ATP6V0A1: variants seen among roughly 807,000 people sequenced by gnomAD.
ATP6V0A1 encodes ATPase H+ transporting V0 subunit a1, also known as V-type proton ATPase 116 kDa subunit a 1.
ATP6V0A1 carries 43 observed loss-of-function variants against 105.4 expected under a neutral mutation model. The observed-to-expected ratio is 0.41, with a 90% confidence interval of 0.32 to 0.53. The LOEUF (loss-of-function observed/expected upper bound fraction) is 0.53, where lower values mean the gene tolerates loss of function less well. Among genes scored for constraint, ATP6V0A1 ranks in the 20% least tolerant of loss-of-function variants. ATP6V0A1 has a pLI of 0.30. For missense variants in ATP6V0A1, 676 were observed against 1,051.1 expected (o/e 0.64, Z 4.93); for synonymous variants, 362 against 372.8 (o/e 0.97, Z 0.33).
At chr17:42,483,603 A>G (rs1245926184) in intron 9 of ATP6V0A1, among the ~76,000 whole-genome samples, 1 of 151,574 alleles carries the variant, frequency 6.6e-6, no homozygotes, top group African/African-American at 2.4e-5. Flanking sequence ...TTTTTTTGAG[A>G]TGGAGTCTTG....
intron 7 of ATP6V0A1, chr17:42,478,985 A>C (rs2089156707): frequency 6.6e-6 from 1 of 152,166 alleles, no homozygotes; most frequent in Non-Finnish European, 1.5e-5. Context: ...GGCTCACCAC[A>C]ACCTCCGCTT....
chr17:42,500,402 C>A (rs1409323074), intron 15 of ATP6V0A1, among the ~76,000 whole-genome samples: 2 of 152,170 alleles, frequency 1.3e-5, no homozygotes, highest in Non-Finnish European at 2.9e-5. Context: ...ATTGCCTAAG[C>A]CCAGGGAGGT....
intron 17 of ATP6V0A1, among the ~76,000 whole-genome samples, chr17:42,501,604 G>A (rs923871279): frequency 4.0e-5 from 6 of 151,796 alleles, no homozygotes; most frequent in Admixed American, 6.6e-5. Flanking sequence ...TAGTAGAGAC[G>A]GGGTTTCACC....
Position 42,475,397 on chromosome 17 carries a change from T to C in ATP6V0A1, c.424-2263T>C, listed in dbSNP as rs539905707. Among the ~76,000 whole-genome samples, 382 of 152,340 alleles carry C rather than the reference T, an allele frequency of 2.5e-3. 3 individuals are homozygous for C. The highest frequency in any genetic ancestry group is 6.8e-3 in the Middle Eastern group (2 of 294). Reference sequence around the variant, plus strand: ...TGTAGAGGCATATTCACAATGTTGTTATTAGAGAACCCAGATACCCTTAAG... The same window carrying C: ...TGTAGAGGCATATTCACAATGTTGTCATTAGAGAACCCAGATACCCTTAAG... On this transcript the variant is annotated intron_variant, in intron 5 of 21. Transcript: ENST00000343619.
intron 2 of ATP6V0A1, among the ~76,000 whole-genome samples, chr17:42,464,885 T>C (rs1280401596): frequency 6.6e-6 from 1 of 152,252 alleles, no homozygotes; most frequent in African/African-American, 2.4e-5. Flanking sequence ...TGAGTAAATA[T>C]AGTTCTTTAT....
chr17:42,519,159 C>T (rs1345582212), intron 21 of ATP6V0A1: 2 of 152,234 alleles, frequency 1.3e-5, no homozygotes, highest in Non-Finnish European at 2.9e-5. Flanking sequence ...ATTGATGTGC[C>T]CCTCCCAGGC....
At chr17:42,461,114 A>T (rs1018989830) in intron 2 of ATP6V0A1, 103 bp downstream of exon 2, 59 of 946,518 alleles carry the variant, frequency 6.2e-5, no homozygotes, top group Non-Finnish European at 9.1e-5. Flanking sequence ...CAAAAATAAC[A>T]TTATAGCACT....
intron 9 of ATP6V0A1, among the ~76,000 whole-genome samples, chr17:42,484,902 T>C (rs2089951079): frequency 6.7e-6 from 1 of 149,450 alleles, no homozygotes; most frequent in African/African-American, 2.5e-5. Flanking sequence ...CAGGCTAGAG[T>C]GCAGTGGCGC....
chr17:42,494,271 ATATT>A, intron 11 of ATP6V0A1, 59 bp from the exon 12 acceptor site: 1 of 1,483,562 alleles, frequency 6.7e-7, no homozygotes, highest in East Asian at 2.3e-5. Context: ...AAAGAATGTA[ATATT>A]TGTGGAATTG....
intron 5 of ATP6V0A1, among the ~76,000 whole-genome samples, chr17:42,472,444 G>T (rs2088102262): frequency 2.0e-5 from 3 of 151,710 alleles, no homozygotes; most frequent in Admixed American, 2.0e-4. Context: ...TTGTTTTTAG[G>T]CCGGGCGCGG....
chr17:42,488,941 G>T (rs1339913921), intron 10 of ATP6V0A1, among the ~76,000 whole-genome samples: 1 of 148,432 alleles, frequency 6.7e-6, no homozygotes, highest in East Asian at 2.1e-4. Flanking sequence ...CTTGAACCCA[G>T]GAGGCAGAGG....
chr17:42,464,800 G>A (rs2086845288), intron 2 of ATP6V0A1, among the ~76,000 whole-genome samples: 1 of 152,152 alleles, frequency 6.6e-6, no homozygotes, highest in Admixed American at 6.5e-5. Flanking sequence ...TTCAAAGCTA[G>A]GACATAGCTT....
intron 9 of ATP6V0A1, among the ~76,000 whole-genome samples, chr17:42,486,195 G>A (rs1941729081): frequency 6.6e-6 from 1 of 152,076 alleles, no homozygotes; most frequent in African/African-American, 2.4e-5. Flanking sequence ...GGTGGATCAC[G>A]ATGTCAGGAG....
Position 42,508,603 on chromosome 17 carries a change from TG to T in ATP6V0A1, c.2130+16del. The stretch of plus-strand genomic sequence containing the variant: ...GAGGACGAAGTGGTAAGATGAAAGC[TG>T]GCGTTGCCTTCGTGTTTATCCGGGC... On this transcript the variant is annotated intron_variant, in intron 19 of 21. Transcript: ENST00000343619. 2 of 1,614,030 alleles carry T rather than the reference TG, an allele frequency of 1.2e-6. No homozygotes were observed. Among genetic ancestry groups the T allele is most frequent in the Non-Finnish European group, 1.7e-6 (2 of 1,179,896 alleles).
At position 42,507,850 on chromosome 17, in the gene ATP6V0A1, T is replaced by G. The variant is rs367980336; in HGVS notation, c.2112+223T>G. 7.9e-5 allele frequency among the ~76,000 whole-genome samples: 12 copies of G among 152,336 alleles called. No individual in the cohort carries two copies. The East Asian group carries it at 2.3e-3, about 29-fold the overall frequency. On this transcript the variant is annotated intron_variant, in intron 18 of 21. Coordinates refer to ENST00000343619, the MANE Select transcript of ATP6V0A1 (RefSeq NM_001130021.3). ...GCCCGCAGCAGTTTTGCTCCTATCT[T>G]GAATTCCAGATTTTGCCCGCAGTGC...
At chr17:42,459,805 G>A (rs2086195065) in intron 1 of ATP6V0A1, among the ~76,000 whole-genome samples, 1 of 152,168 alleles carries the variant, frequency 6.6e-6, no homozygotes, top group African/African-American at 2.4e-5. Flanking sequence ...ATGCACAAAG[G>A]TTTGTTCGTT....
chr17:42,493,386 A>C (rs2090851670), intron 11 of ATP6V0A1, among the ~76,000 whole-genome samples: 1 of 152,220 alleles, frequency 6.6e-6, no homozygotes, highest in Non-Finnish European at 1.5e-5. Context: ...GTTGCTGCAC[A>C]AAGAGAAGAC....
At chr17:42,477,061 G>A (rs527327570) in intron 5 of ATP6V0A1, among the ~76,000 whole-genome samples, 160 of 152,296 alleles carry the variant, frequency 1.1e-3, no homozygotes, top group Non-Finnish European at 1.6e-4. Context: ...GGCTGGAAAC[G>A]TAGATACCTG....
chr17:42,471,716 A>G (rs1056208256), intron 5 of ATP6V0A1, among the ~76,000 whole-genome samples: 8 of 152,274 alleles, frequency 5.3e-5, no homozygotes, highest in African/African-American at 1.9e-4. Flanking sequence ...CCTGGGGGAC[A>G]GAGCAAGACT....
Sources: gnomAD v4.1 joint callset for allele counts (sites outside exome capture counted in the v4.1 genomes callset) on GRCh38, gnomAD v4.1.1 for gene constraint, MANE v1.5 for transcripts, NCBI Gene and HGNC (gene_info 2026-07-23, HGNC 2026-07-21) for gene names.